Variants in DLGAP1 observed in about 807,000 individuals in gnomAD.
DLGAP1 encodes the protein disks large-associated protein 1.
A neutral mutation model predicts 90.8 loss-of-function variants in DLGAP1; 11 were observed. The ratio of observed to expected loss-of-function variants is 0.12; its 90% CI spans 0.08 to 0.20. DLGAP1 has a LOEUF of 0.20. Ranked by LOEUF, DLGAP1 falls within the 10% of genes least tolerant of loss-of-function variation. The pLI is 1.00. For missense variants in DLGAP1, 1,050 were observed against 1,333.8 expected, an observed-to-expected ratio of 0.79 and a Z score of 3.31; for synonymous variants, 558 against 540.7, an observed-to-expected ratio of 1.03 and a Z score of -0.44.
intron 1 of DLGAP1, among the ~76,000 whole-genome samples, chr18:4,359,036 T>C (rs139865118): frequency 6.9e-4 from 105 of 152,350 alleles, no homozygotes; most frequent in African/African-American, 2.4e-3. Context: ...TAAAGGAAGC[T>C]TGGATGTTTT....
At chr18:4,125,600 A>C (rs2076220472) in intron 2 of DLGAP1, among the ~76,000 whole-genome samples, 1 of 152,178 alleles carries the variant, frequency 6.6e-6, no homozygotes, top group Non-Finnish European at 1.5e-5. Flanking sequence ...GAAGTGTGGT[A>C]ACCCCAGGAA....
chr18:4,056,782 C>A (rs1246493422), intron 2 of DLGAP1, among the ~76,000 whole-genome samples: 1 of 152,062 alleles, frequency 6.6e-6, no homozygotes, highest in Non-Finnish European at 1.5e-5. Context: ...GATATTCAGA[C>A]TGACCCCAGG....
chr18:4,103,461 T>G (rs565149469), intron 2 of DLGAP1, among the ~76,000 whole-genome samples: 1 of 152,340 alleles, frequency 6.6e-6, no homozygotes, highest in South Asian at 2.1e-4. Context: ...GGTAGGGTAG[T>G]GTACAAGAAA....
At chr18:4,252,451 G>A (rs1393375121) in intron 1 of DLGAP1, among the ~76,000 whole-genome samples, 1 of 152,188 alleles carries the variant, frequency 6.6e-6, no homozygotes, top group Admixed American at 6.5e-5. Flanking sequence ...GTAGGCAACA[G>A]CTTCACTGCA....
At position 3,499,448 on chromosome 18, in the gene DLGAP1, G is replaced by C; in HGVS notation, c.2725-54C>G. On this transcript the variant is annotated intron_variant, in intron 12 of 12. Transcript: ENST00000315677. The surrounding 1 kb of genome is among the most constrained non-coding windows in gnomAD (Gnocchi z 6.4). ...ACACAGCTTCTCAGGACAAGCTTGG[G>C]AAAAACTGGGATAGGTCAGTAGTTA... 6.5e-7 allele frequency: 1 copy of C among 1,534,426 alleles called. No homozygotes were observed. Among genetic ancestry groups the C allele is most frequent in the Non-Finnish European group, 8.8e-7 (1 of 1,136,184 alleles).
At chr18:3,630,976 TTTTTTA>T (rs2058503086) in intron 7 of DLGAP1, among the ~76,000 whole-genome samples, 2 of 152,114 alleles carry the variant, frequency 1.3e-5, no homozygotes, top group South Asian at 2.1e-4. Flanking sequence ...TTTTTATTTA[TTTTTTA>T]TTTTTATTTT....
chr18:4,064,915 TG>T (rs1331583949), intron 2 of DLGAP1, among the ~76,000 whole-genome samples: 2 of 152,156 alleles, frequency 1.3e-5, no homozygotes, highest in Non-Finnish European at 2.9e-5. Flanking sequence ...AGAACATTGA[TG>T]CAAAAATCCT....
intron 7 of DLGAP1, among the ~76,000 whole-genome samples, chr18:3,687,163 A>G (rs1480825931): frequency 6.6e-6 from 1 of 152,238 alleles, no homozygotes; most frequent in Admixed American, 6.5e-5. Flanking sequence ...TGAGACCTGT[A>G]TCGGACTTCT....
At chr18:3,570,281 A>ATT (rs11326598) in intron 8 of DLGAP1, among the ~76,000 whole-genome samples, 4 of 143,794 alleles carry the variant, frequency 2.8e-5, no homozygotes, top group Non-Finnish European at 1.5e-5. Context: ...TTTTTCCTAA[A>ATT]TTTTTTTTTT....
At chr18:4,095,977 A>AGAT (rs1297257642) in intron 2 of DLGAP1, among the ~76,000 whole-genome samples, 1 of 152,128 alleles carries the variant, frequency 6.6e-6, no homozygotes, top group African/African-American at 2.4e-5. Flanking sequence ...AAACTGCCTG[A>AGAT]GATGATGATG....
chr18:4,174,466 C>G (rs1291084334), intron 1 of DLGAP1, among the ~76,000 whole-genome samples: 1 of 151,974 alleles, frequency 6.6e-6, no homozygotes, highest in Admixed American at 6.6e-5. Flanking sequence ...TCCCAAGTAG[C>G]TGGGATTACA....
At chr18:4,292,709 CAACTA>C (rs2079881934) in intron 1 of DLGAP1, among the ~76,000 whole-genome samples, 1 of 152,064 alleles carries the variant, frequency 6.6e-6, no homozygotes, top group Non-Finnish European at 1.5e-5. Flanking sequence ...AAAATTCTTG[CAACTA>C]AATATTAGGC....
At chr18:4,422,176 T>C (rs2083052159) in intron 1 of DLGAP1, among the ~76,000 whole-genome samples, 1 of 151,758 alleles carries the variant, frequency 6.6e-6, no homozygotes, top group African/African-American at 2.4e-5. Context: ...ACCTGAGGCT[T>C]AATTTATAAT....
chr18:4,007,997 C>T (rs1215560475), intron 2 of DLGAP1, among the ~76,000 whole-genome samples: 1 of 152,114 alleles, frequency 6.6e-6, no homozygotes, highest in Non-Finnish European at 1.5e-5. Context: ...TATTCATTTG[C>T]TTAATTATCA....
intron 3 of DLGAP1, among the ~76,000 whole-genome samples, chr18:3,907,573 C>T (rs2045203416): frequency 6.6e-6 from 1 of 152,154 alleles, no homozygotes; most frequent in Admixed American, 6.5e-5. Flanking sequence ...TGAGTGACCT[C>T]AGAGAGCCCC....
chr18:4,051,409 C>T (rs2143082880), intron 2 of DLGAP1, among the ~76,000 whole-genome samples: 1 of 152,332 alleles, frequency 6.6e-6, no homozygotes, highest in East Asian at 1.9e-4. Flanking sequence ...TCTTTCTTCA[C>T]ATGGCAGCAG....
In DLGAP1 at chr18:3,740,197, A is replaced by G. The variant is rs184061676; in HGVS notation, c.1350+2138T>C. Among the ~76,000 whole-genome samples the G allele has an allele frequency of 1.8e-4, 28 of 152,326 alleles. No individual in the cohort carries two copies. The East Asian group carries it at 5.2e-3, about 28-fold the overall frequency. Reference sequence around the variant, plus strand: ...GACCCCTAGGTTTGTAGACCATTTTATAATTCTCAATGACTGTGTGACCTT... The same window carrying G: ...GACCCCTAGGTTTGTAGACCATTTTGTAATTCTCAATGACTGTGTGACCTT... On this transcript the variant is annotated intron_variant, in intron 6 of 12. Transcript: ENST00000315677.
intron 1 of DLGAP1, among the ~76,000 whole-genome samples, chr18:4,452,356 C>T (rs1448202323): frequency 6.6e-6 from 1 of 152,060 alleles, no homozygotes; most frequent in African/African-American, 2.4e-5. Flanking sequence ...ATATGGTATT[C>T]ATCTCGATTA....
chr18:4,196,766 C>G (rs1433865348), intron 1 of DLGAP1, among the ~76,000 whole-genome samples: 1 of 152,226 alleles, frequency 6.6e-6, no homozygotes, highest in Non-Finnish European at 1.5e-5. Context: ...TTTCTCACTT[C>G]TATCTCATTT....
Sources: gnomAD v4.1 joint callset for allele counts (sites outside exome capture counted in the v4.1 genomes callset) on GRCh38, gnomAD v4.1.1 for gene constraint, Gnocchi (gnomAD v3.1) non-coding constraint, MANE v1.5 for transcripts, NCBI Gene and HGNC (gene_info 2026-07-23, HGNC 2026-07-21) for gene names.